The following RABGAP1L variants were observed in gnomAD, a reference collection of about 807,000 sequenced individuals.
RABGAP1L encodes the protein rab GTPase-activating protein 1-like.
RABGAP1L carries 63 observed loss-of-function variants against 137.7 expected under a neutral mutation model. The observed-to-expected ratio is 0.46, with a 90% confidence interval of 0.37 to 0.56. The LOEUF is 0.56. RABGAP1L is among the 20% of genes least tolerant of loss of function. RABGAP1L has a pLI of 0.00. For synonymous variants in RABGAP1L, 431 were observed against 433.7 expected (o/e 0.99, Z 0.08); for missense variants, 1,095 against 1,244.0 (o/e 0.88, Z 1.80).
intron 14 of RABGAP1L, among the ~76,000 whole-genome samples, chr1:174,664,353 T>C (rs980804552): frequency 1.3e-5 from 2 of 152,220 alleles, no homozygotes; most frequent in Non-Finnish European, 2.9e-5. Flanking sequence ...ACTACTTCAC[T>C]ATTTGAATCT....
chr1:174,285,411 A>AT (rs1219264823), intron 10 of RABGAP1L, among the ~76,000 whole-genome samples: 13 of 151,252 alleles, frequency 8.6e-5, no homozygotes, highest in South Asian at 2.1e-4. Context: ...TGTAAATGGG[A>AT]TTTTTTTTAC....
chr1:174,276,119 C>T (rs550115355), intron 9 of RABGAP1L, among the ~76,000 whole-genome samples, 184 bp downstream of exon 9: 2 of 152,112 alleles, frequency 1.3e-5, no homozygotes, highest in African/African-American at 4.8e-5. Flanking sequence ...AAAAAATCCT[C>T]CCCAAAAGAT....
chr1:174,501,534 C>T (rs957921545), intron 13 of RABGAP1L, among the ~76,000 whole-genome samples: 6 of 152,062 alleles, frequency 3.9e-5, no homozygotes, highest in African/African-American at 7.2e-5. Context: ...GCTATGCCTT[C>T]GTAAAATCTC....
intron 19 of RABGAP1L, among the ~76,000 whole-genome samples, chr1:174,879,106 T>G (rs913581392): frequency 4.0e-5 from 6 of 150,794 alleles, no homozygotes; most frequent in African/African-American, 9.7e-5. Context: ...GGCTGTTTTT[T>G]TTTTTTTTTT....
chr1:174,775,980 T>G (rs1477669506), intron 18 of RABGAP1L, among the ~76,000 whole-genome samples: 1 of 152,206 alleles, frequency 6.6e-6, no homozygotes, highest in Non-Finnish European at 1.5e-5. Context: ...GCTATTTCAG[T>G]AGAGGAGATT....
intron 19 of RABGAP1L, among the ~76,000 whole-genome samples, chr1:174,889,494 C>T (rs749861720): frequency 2.0e-4 from 30 of 152,138 alleles, no homozygotes; most frequent in Admixed American, 1.8e-3. Flanking sequence ...GATAATGGCT[C>T]ACTGCAGCCT....
At chr1:174,971,985 C>A (rs1427781156) in intron 21 of RABGAP1L, among the ~76,000 whole-genome samples, 1 of 152,240 alleles carries the variant, frequency 6.6e-6, no homozygotes, top group African/African-American at 2.4e-5. Flanking sequence ...TTTCAGGCTT[C>A]CTGGGCACCA....
Position 174,278,593 on chromosome 1 carries a change from C to A in RABGAP1L, c.1157-20C>A. Reference sequence around the variant, plus strand: ...AGGAATAATAAAGCTCGCATAAAACCCAGAAAATTTCTACTACAGATAAGC... The same window carrying A: ...AGGAATAATAAAGCTCGCATAAAACACAGAAAATTTCTACTACAGATAAGC... On this transcript the variant is annotated intron_variant, in intron 9 of 25. Coordinates refer to ENST00000681986, the MANE Select transcript of RABGAP1L (RefSeq NM_001366446.1). The A allele has an allele frequency of 6.3e-7, 1 of 1,589,296 alleles. No individual in the cohort carries two copies. Among genetic ancestry groups the A allele is most frequent in the African/African-American group, 1.4e-5 (1 of 73,270 alleles).
At chr1:174,605,598 G>T (rs748582095) in intron 13 of RABGAP1L, among the ~76,000 whole-genome samples, 8 of 151,776 alleles carry the variant, frequency 5.3e-5, no homozygotes, top group Non-Finnish European at 1.0e-4. Flanking sequence ...CTCTGTTGTT[G>T]TCTGAAGCGG....
chr1:174,911,460 A>G (rs938344144), intron 19 of RABGAP1L, among the ~76,000 whole-genome samples: 23 of 152,218 alleles, frequency 1.5e-4, no homozygotes, highest in African/African-American at 5.5e-4. Flanking sequence ...ATAGGGTCCC[A>G]TTCACCTATA....
rs567044955 is a variant in RABGAP1L at position 174,584,202 on chromosome 1, C to G, written c.1711-53173C>G. Reference sequence around the variant, plus strand: ...CAATGTCAACATAATCAGATCACTGCCATCTCAATACAGGATTAAATAAAA... The same window carrying G: ...CAATGTCAACATAATCAGATCACTGGCATCTCAATACAGGATTAAATAAAA... On this transcript the variant is annotated intron_variant, in intron 13 of 25. Coordinates refer to ENST00000681986, the MANE Select transcript of RABGAP1L (RefSeq NM_001366446.1). 2.0e-5 allele frequency among the ~76,000 whole-genome samples: 3 copies of G among 152,244 alleles called. No homozygotes were observed. In the East Asian group the frequency reaches 5.8e-4, roughly 29 times the overall value.
chr1:174,563,712 A>T (rs1260551691), intron 13 of RABGAP1L, among the ~76,000 whole-genome samples: 2 of 152,170 alleles, frequency 1.3e-5, no homozygotes, highest in Non-Finnish European at 2.9e-5. Flanking sequence ...AAATGGGGGA[A>T]AATGATTTCA....
At chr1:174,916,368 G>A (rs1011000279) in intron 19 of RABGAP1L, among the ~76,000 whole-genome samples, 1 of 152,034 alleles carries the variant, frequency 6.6e-6, no homozygotes. Flanking sequence ...GTCAATGATG[G>A]GACCTGAAAT....
intron 13 of RABGAP1L, among the ~76,000 whole-genome samples, chr1:174,584,548 C>T (rs1668974491): frequency 6.6e-6 from 1 of 152,106 alleles, no homozygotes; most frequent in African/African-American, 2.4e-5. Context: ...GGCAACATAG[C>T]AAGACTCCAT....
chr1:174,373,367 A>G (rs973178062), intron 12 of RABGAP1L, among the ~76,000 whole-genome samples: 8 of 152,212 alleles, frequency 5.3e-5, no homozygotes, highest in Non-Finnish European at 1.2e-4. Context: ...GAAAGGAGAT[A>G]TTATGATTGG....
chr1:174,440,563 CTA>C (rs1654011101), intron 13 of RABGAP1L, among the ~76,000 whole-genome samples: 1 of 152,062 alleles, frequency 6.6e-6, no homozygotes, highest in African/African-American at 2.4e-5. Context: ...ACTTTAGTCT[CTA>C]TTTGTTTATT....
intron 19 of RABGAP1L, among the ~76,000 whole-genome samples, chr1:174,954,653 CACA>C (rs1466362822): frequency 6.6e-6 from 1 of 152,156 alleles, no homozygotes; most frequent in East Asian, 1.9e-4. Flanking sequence ...AAAATACTTC[CACA>C]TGGAACTAAT....
intron 13 of RABGAP1L, among the ~76,000 whole-genome samples, chr1:174,395,174 G>GGAGT (rs1647674039): frequency 6.6e-6 from 1 of 152,060 alleles, no homozygotes; most frequent in Admixed American, 6.6e-5. Flanking sequence ...ACATGGTTCA[G>GGAGT]GAGTGACCTT....
intron 13 of RABGAP1L, among the ~76,000 whole-genome samples, chr1:174,588,396 C>T (rs1485885998): frequency 6.6e-6 from 1 of 151,958 alleles, no homozygotes. Flanking sequence ...AACTCCTGAC[C>T]TCAGGTGATC....
Sources: allele counts gnomAD v4.1 joint callset (sites outside exome capture counted in the v4.1 genomes callset), GRCh38; gene constraint gnomAD v4.1.1; transcripts MANE v1.5; gene names NCBI Gene and HGNC (gene_info 2026-07-23, HGNC 2026-07-21).